Variants in MARS1 observed in about 807,000 individuals in gnomAD.
MARS1 encodes the protein methionine--tRNA ligase, cytoplasmic.
In MARS1, 80 loss-of-function variants were observed where a neutral mutation model predicts 119.5. The observed-to-expected ratio is 0.67, with a 90% CI of 0.56 to 0.81. The LOEUF (loss-of-function observed/expected upper bound fraction) is 0.81. MARS1 is among the 30% of genes least tolerant of loss of function. MARS1 has a pLI of 0.00. For synonymous variants in MARS1, 418 were observed against 433.4 expected (o/e 0.96, Z 0.44); for missense variants, 945 against 1,116.5 (o/e 0.85, Z 2.19).
chr12:57,493,332 AAT>A (rs1407422276), intron 7 of MARS1, among the ~76,000 whole-genome samples: 12 of 101,448 alleles, frequency 1.2e-4, no homozygotes, highest in African/African-American at 2.9e-4. Flanking sequence ...TATTATATAT[AAT>A]ATATGTTATA....
At position 57,512,314 on chromosome 12, in the gene MARS1, G is replaced by A. The variant is rs776499219; in HGVS notation, c.1714G>A (p.Glu572Lys). The A allele has an allele frequency of 1.2e-6, 2 of 1,614,026 alleles. No homozygotes were observed. Among genetic ancestry groups the A allele is most frequent in the Non-Finnish European group, 8.5e-7 (1 of 1,180,028 alleles). The change falls in exon 14 of 21, where the codon GAG (glutamate) becomes AAG (lysine). Residue 572 changes from glutamate (E) to lysine (K), a missense_variant. Glu to Lys is a moderately conservative substitution (Grantham distance 56). Transcript: ENST00000262027. Reference sequence around the variant, plus strand: ...CTTTCCTTGCTCAGCCCTAGGAGCTGAGGATAACTATACCTTGGTCAGCCA... The same window carrying A: ...CTTTCCTTGCTCAGCCCTAGGAGCTAAGGATAACTATACCTTGGTCAGCCA... ...LVFPCSALGA[E>K]DNYTLVSHLI...
chr12:57,488,616 T>G (rs1277066649), intron 1 of MARS1: 2 of 1,550,990 alleles, frequency 1.3e-6, no homozygotes, highest in African/African-American at 2.7e-5. Flanking sequence ...GTTTACCTCT[T>G]CTCATTCTCA....
At chr12:57,502,222 A>G (rs1876949230) in intron 10 of MARS1, among the ~76,000 whole-genome samples, 2 of 152,284 alleles carry the variant, frequency 1.3e-5, no homozygotes, top group African/African-American at 2.4e-5. Context: ...TGGTAGTACC[A>G]TCTGTGAACG....
intron 11 of MARS1, among the ~76,000 whole-genome samples, chr12:57,507,238 CCCATGTCTACCTCTTT>C (rs1414285101): frequency 6.6e-6 from 1 of 151,336 alleles, no homozygotes; most frequent in Admixed American, 6.6e-5. Context: ...TGAAAAGTCT[CCCATGTCTACCTCTTT>C]CTACACAGAC....
rs1594836361 is a variant in MARS1, at chr12:57,515,225, G to A, written c.2280G>A (p.Met760Ile). 1.2e-6 allele frequency: 2 copies of A among 1,614,082 alleles called. No homozygotes were observed. The highest frequency in any genetic ancestry group is 8.5e-7 in the Non-Finnish European group (1 of 1,180,020). The change falls in exon 18 of 21, where the codon ATG (methionine) becomes ATA (isoleucine). Residue 760 changes from methionine (M) to isoleucine (I), a missense_variant. Coordinates refer to ENST00000262027, the MANE Select transcript of MARS1 (RefSeq NM_004990.4). ...ALLSVMLQPY[M>I]PTVSATIQAQ... is the part of the protein sequence containing the mutation. ...TCTCTGTCATGCTTCAGCCTTACAT[G>A]CCCACGGTTAGTGCCACAATCCAGG...
Position 57,514,736 on chromosome 12 carries a change from T to C in MARS1, c.1984T>C (p.Ser662Pro). Residue 662 changes from serine to proline, a missense_variant, in exon 16 of 21, where the codon TCT becomes CCT. Coordinates refer to ENST00000262027, the MANE Select transcript of MARS1 (RefSeq NM_004990.4). ...NFINRAGMFV[S>P]KFFGGYVPEM... ...CCAACCAAGAGCTGGGATGTTTGTG[T>C]CTAAGTTCTTTGGGGGCTATGTGCC... 1 of 1,614,142 alleles carries C rather than the reference T, an allele frequency of 6.2e-7. No homozygotes were observed. Among genetic ancestry groups the C allele is most frequent in the South Asian group, 1.1e-5 (1 of 91,088 alleles).
intron 11 of MARS1, among the ~76,000 whole-genome samples, chr12:57,509,272 C>T (rs1225722073): frequency 6.6e-6 from 1 of 152,142 alleles, no homozygotes; most frequent in Non-Finnish European, 1.5e-5. Flanking sequence ...TGAAATCAAC[C>T]ATGTCACCAA....
In MARS1 at chr12:57,498,662, G is replaced by A. The variant is rs1255664314; in HGVS notation, c.1091+39G>A. Reference sequence around the variant, plus strand: ...AATGAGGCAGAAATGGGGCTTGAAGGCTGAGACTGGGAACAGTGGGAGTAT... The same window carrying A: ...AATGAGGCAGAAATGGGGCTTGAAGACTGAGACTGGGAACAGTGGGAGTAT... On this transcript the variant is annotated intron_variant, in intron 9 of 20. Transcript: ENST00000262027. The A allele has an allele frequency of 3.2e-6, 5 of 1,586,724 alleles. No homozygotes were observed. In the Admixed American group the frequency reaches 8.3e-5, roughly 26 times the overall value.
At chr12:57,495,828 G>A (rs897645532) in intron 7 of MARS1, among the ~76,000 whole-genome samples, 7 of 152,134 alleles carry the variant, frequency 4.6e-5, no homozygotes, top group Admixed American at 3.3e-4. Flanking sequence ...GCGAAACCCC[G>A]TCTCCACCAA....
At chr12:57,491,266 G>C (rs572011811) in intron 7 of MARS1, among the ~76,000 whole-genome samples, 10 of 152,136 alleles carry the variant, frequency 6.6e-5, no homozygotes, top group Admixed American at 4.6e-4. Flanking sequence ...AGACACATTT[G>C]CCATACTATC....
rs1217908969 is a variant in MARS1, at chr12:57,492,669, T to TCTCACA, written c.770+2026_770+2027insTCACAC. Among the ~76,000 whole-genome samples, 384 of 139,540 alleles carry TCTCACA rather than the reference T, an allele frequency of 2.8e-3. 3 individuals carry two copies. The highest frequency in any genetic ancestry group is 9.5e-3 in the African/African-American group (361 of 37,818). 91.5% of individuals were successfully genotyped at this position (139,540 alleles called of 152,430 possible). ...CTGGGCAACAGAGCGCGACTCCATTTCACACACACACACACACACACACAC... is the reference window on the plus strand; with the variant it reads ...CTGGGCAACAGAGCGCGACTCCATTTCTCACACACACACACACACACACACACACAC... On this transcript the variant is annotated intron_variant, in intron 7 of 20. Transcript: ENST00000262027.
chr12:57,512,631 G>A (rs1877576624), intron 14 of MARS1, 120 bp from the exon 15 acceptor site: 8 of 834,026 alleles, frequency 9.6e-6, no homozygotes, highest in Admixed American at 2.4e-5. Context: ...CCCTTAAGGA[G>A]AAATGTTGCT....
At position 57,512,875 on chromosome 12, in the gene MARS1, TGA is replaced by T; in HGVS notation, c.1880_1881del (p.Glu627GlyfsTer16). On this transcript the variant is annotated frameshift_variant, in exon 15 of 21. Coordinates refer to ENST00000262027, the MANE Select transcript of MARS1 (RefSeq NM_004990.4). LOFTEE classifies it high-confidence loss of function. ...WRFYLLYIRP[E>X]GQDSAFSWTD... ...GCTTCTATCTGCTGTACATTCGGCC[TGA>T]GGGCCAGGACAGTGCTTTCTCCTGG... The T allele has an allele frequency of 6.2e-7, 1 of 1,614,236 alleles. No individual in the cohort carries two copies. The highest frequency in any genetic ancestry group is 1.7e-5 in the Admixed American group (1 of 60,024).
chr12:57,502,497 A>T (rs1876962468), intron 10 of MARS1, among the ~76,000 whole-genome samples: 2 of 151,832 alleles, frequency 1.3e-5, no homozygotes, highest in Admixed American at 1.3e-4. Context: ...ACCTGAGGTC[A>T]GGAGTTCAGA....
intron 14 of MARS1, 51 bp from the exon 15 acceptor site, chr12:57,512,700 G>C: frequency 7.2e-7 from 1 of 1,388,486 alleles, no homozygotes; most frequent in Non-Finnish European, 1.0e-6. Context: ...GGCTAGAGAG[G>C]GGAAGGATGT....
chr12:57,515,025 C>G lies in MARS1; in HGVS notation c.2171C>G (p.Pro724Arg). The G allele has an allele frequency of 6.2e-7, 1 of 1,614,074 alleles. No individual in the cohort carries two copies. The highest frequency in any genetic ancestry group is 8.5e-7 in the Non-Finnish European group (1 of 1,180,032). ...HGNQYIQVNE[P>R]WKRIKGSEAD... is the part of the protein sequence containing the mutation. ...AACCAATATATTCAGGTGAATGAGCCCTGGAAGCGGATTAAAGGCAGTGAG... is the reference window on the plus strand; with the variant it reads ...AACCAATATATTCAGGTGAATGAGCGCTGGAAGCGGATTAAAGGCAGTGAG... The change falls in exon 17 of 21, where the codon CCC becomes CGC. Residue 724 changes from proline to arginine, a missense_variant. Pro to Arg is a moderately radical substitution (Grantham distance 103). Transcript: ENST00000262027.
intron 5 of MARS1, 115 bp from the exon 6 acceptor site, chr12:57,490,092 G>A: frequency 6.9e-7 from 1 of 1,446,906 alleles, no homozygotes; most frequent in South Asian, 1.2e-5. Flanking sequence ...AGCAGAAGAT[G>A]GTTGAGGGAA....
intron 7 of MARS1, among the ~76,000 whole-genome samples, chr12:57,491,060 G>A (rs1875927315): frequency 6.6e-6 from 1 of 151,680 alleles, no homozygotes; most frequent in African/African-American, 2.4e-5. Flanking sequence ...GAAGAGACAA[G>A]GTTTCACCAT....
chr12:57,504,389 A>G (rs775702920), intron 11 of MARS1, 90 bp downstream of exon 11: 14 of 997,058 alleles, frequency 1.4e-5, no homozygotes, highest in Non-Finnish European at 2.1e-5. Flanking sequence ...GATTACTCTT[A>G]AAAGTTTTAA....
Sources: gnomAD v4.1 joint callset for allele counts (sites outside exome capture counted in the v4.1 genomes callset) on GRCh38, gnomAD v4.1.1 for gene constraint, MANE v1.5 for transcripts, NCBI Gene and HGNC (gene_info 2026-07-23, HGNC 2026-07-21) for gene names.